The following PTPN9 variants were observed in gnomAD, a reference collection of about 807,000 sequenced individuals.
The protein encoded by PTPN9 is protein tyrosine phosphatase non-receptor type 9.
PTPN9 carries 26 observed loss-of-function variants against 69.8 expected under a neutral mutation model. The observed-to-expected ratio is 0.37, with a 90% confidence interval of 0.27 to 0.52. The LOEUF (loss-of-function observed/expected upper bound fraction) is 0.52, where lower values mean the gene tolerates loss of function less well. Among genes scored for constraint, PTPN9 ranks in the 20% least tolerant of loss-of-function variants. The pLI, the probability that PTPN9 is intolerant of heterozygous loss-of-function variation, is 0.91. For missense variants in PTPN9, 549 were observed against 740.3 expected (o/e 0.74, Z 3.00); for synonymous variants, 274 against 272.5 (o/e 1.01, Z -0.05).
At chr15:75,561,717 A>G (rs1031347596) in intron 1 of PTPN9, among the ~76,000 whole-genome samples, 13 of 151,536 alleles carry the variant, frequency 8.6e-5, no homozygotes, top group Non-Finnish European at 1.9e-4. Context: ...ATTTTTTATT[A>G]CTTTTATTTG....
At chr15:75,480,105 A>G (rs1278768689) in intron 8 of PTPN9, among the ~76,000 whole-genome samples, 191 bp from the exon 9 acceptor site, 2 of 152,120 alleles carry the variant, frequency 1.3e-5, no homozygotes, top group Non-Finnish European at 2.9e-5. Flanking sequence ...ATCTACATGC[A>G]TAAAAATCAA....
intron 1 of PTPN9, among the ~76,000 whole-genome samples, chr15:75,560,643 A>G (rs984285466): frequency 8.5e-5 from 13 of 152,166 alleles, no homozygotes; most frequent in African/African-American, 3.1e-4. Flanking sequence ...AGGCCAAAAG[A>G]GGAGGATTGC....
chr15:75,548,865 G>A (rs935864750), intron 1 of PTPN9, among the ~76,000 whole-genome samples: 3 of 151,846 alleles, frequency 2.0e-5, no homozygotes, highest in African/African-American at 7.3e-5. Context: ...GTGTTAGCCA[G>A]AATGGTCTCG....
At chr15:75,578,486 A>G (rs1326701284) in intron 1 of PTPN9, among the ~76,000 whole-genome samples, 1 of 152,162 alleles carries the variant, frequency 6.6e-6, no homozygotes, top group Non-Finnish European at 1.5e-5. Context: ...TGAGGCTGGT[A>G]AGCCTCGGCG....
At chr15:75,562,791 C>CA (rs60164759) in intron 1 of PTPN9, among the ~76,000 whole-genome samples, 8,640 of 80,034 alleles carry the variant, frequency 0.11, 737 homozygotes, top group Non-Finnish European at 0.15. Flanking sequence ...AGACTCGTTT[C>CA]AAAAAAAAAA....
intron 7 of PTPN9, among the ~76,000 whole-genome samples, chr15:75,497,898 AAAAAAT>A (rs2074752020): frequency 6.6e-6 from 1 of 151,780 alleles, no homozygotes; most frequent in Non-Finnish European, 1.5e-5. Context: ...GTAAAATCTT[AAAAAAT>A]TTCAGCCCAG....
Position 75,517,367 on chromosome 15 carries a change from G to A in PTPN9, c.423-3C>T, listed in dbSNP as rs1340323817. On this transcript the variant is annotated splice_polypyrimidine_tract_variant and splice_region_variant and intron_variant, in intron 4 of 12. Transcript: ENST00000618819. ...GTCCATTCCTCTGAGTTTCAAAGCT[G>A]TAAATCAACCATTGAACAAAAACAT... 1.2e-5 allele frequency: 20 copies of A among 1,608,072 alleles called. No homozygotes were observed. Among genetic ancestry groups the A allele is most frequent in the African/African-American group, 5.4e-5 (4 of 74,712 alleles).
chr15:75,530,494 A>T (rs1466930080), intron 1 of PTPN9, among the ~76,000 whole-genome samples: 3 of 91,588 alleles, frequency 3.3e-5, no homozygotes, highest in Non-Finnish European at 5.9e-5. Flanking sequence ...ATATTATAAT[A>T]TATTATATTA....
At chr15:75,517,821 T>A (rs1435923181) in intron 4 of PTPN9, among the ~76,000 whole-genome samples, 1 of 152,216 alleles carries the variant, frequency 6.6e-6, no homozygotes, top group Non-Finnish European at 1.5e-5. Context: ...TGTATAGCCA[T>A]CTGATTCTCT....
chr15:75,494,461 T>G (rs541013794), intron 7 of PTPN9, among the ~76,000 whole-genome samples: 1 of 152,026 alleles, frequency 6.6e-6, no homozygotes, highest in African/African-American at 2.4e-5. Context: ...CAAGGGATTC[T>G]TCTGCCTCAG....
At chr15:75,559,224 A>G (rs4319732) in intron 1 of PTPN9, among the ~76,000 whole-genome samples, 88,157 of 150,808 alleles carry the variant, frequency 0.58, 26,436 homozygotes, top group African/African-American at 0.74. Context: ...CGCCCCGTCT[A>G]AGAAGTGAGG....
At chr15:75,526,336 T>C (rs1261968629) in intron 2 of PTPN9, among the ~76,000 whole-genome samples, 1 of 152,110 alleles carries the variant, frequency 6.6e-6, no homozygotes, top group African/African-American at 2.4e-5. Flanking sequence ...TGGAACACAG[T>C]AAGTATAAAA....
intron 1 of PTPN9, among the ~76,000 whole-genome samples, chr15:75,561,084 G>A (rs935493499): frequency 6.7e-6 from 1 of 149,532 alleles, no homozygotes; most frequent in Non-Finnish European, 1.5e-5. Context: ...TGGAGGCCGA[G>A]GCAAGTGGAT....
chr15:75,527,938 G>T (rs2074938201), intron 1 of PTPN9, among the ~76,000 whole-genome samples: 1 of 152,150 alleles, frequency 6.6e-6, no homozygotes, highest in Non-Finnish European at 1.5e-5. Context: ...CTAATGCAGT[G>T]TAGTATAGCA....
chr15:75,495,896 G>A (rs2074738228), intron 7 of PTPN9, among the ~76,000 whole-genome samples: 1 of 152,056 alleles, frequency 6.6e-6, no homozygotes, highest in Admixed American at 6.6e-5. Context: ...CCAGTATTTT[G>A]GGAGGCTGAG....
intron 1 of PTPN9, among the ~76,000 whole-genome samples, chr15:75,555,635 G>A (rs868651836): frequency 6.6e-6 from 1 of 151,910 alleles, no homozygotes; most frequent in African/African-American, 2.4e-5. Context: ...CTCCTGAGTA[G>A]CTGGGATTAC....
chr15:75,566,747 G>A (rs1435561803), intron 1 of PTPN9, among the ~76,000 whole-genome samples: 1 of 151,836 alleles, frequency 6.6e-6, no homozygotes, highest in East Asian at 1.9e-4. Flanking sequence ...TAGCATTTTG[G>A]GAGGCTGAAG....
At position 75,466,936 on chromosome 15, in the gene PTPN9, C is replaced by A. The variant is rs2074538778; in HGVS notation, c.*1833G>T. 6.6e-6 allele frequency: 1 copy of A among 152,230 alleles called. No individual in the cohort carries two copies. The highest frequency in any genetic ancestry group is 2.4e-5 in the African/African-American group (1 of 41,442). 9.4% of individuals were successfully genotyped at this position (152,230 alleles called of 1,614,324 possible). On this transcript the variant is annotated 3_prime_UTR_variant, in exon 13 of 13. Coordinates refer to ENST00000618819, the MANE Select transcript of PTPN9 (RefSeq NM_002833.4). ...TGCTTAGCACATCTCAAGCACTGAA[C>A]TGGTGCTGGTCCCTCTGTCCAGAGA...
At chr15:75,515,643 A>G (rs1306338570) in intron 5 of PTPN9, among the ~76,000 whole-genome samples, 2 of 152,020 alleles carry the variant, frequency 1.3e-5, no homozygotes, top group Admixed American at 6.6e-5. Context: ...CACGCCTGTA[A>G]TCCCAGCACT....
Sources: gnomAD v4.1 joint callset for allele counts (sites outside exome capture counted in the v4.1 genomes callset) on GRCh38, gnomAD v4.1.1 for gene constraint, MANE v1.5 for transcripts, NCBI Gene and HGNC (gene_info 2026-07-23, HGNC 2026-07-21) for gene names.